BORCS5: variants seen among roughly 807,000 people sequenced by gnomAD.
BORCS5 encodes the protein BLOC-1-related complex subunit 5.
BORCS5 carries 17 observed loss-of-function variants against 22.1 expected under a neutral mutation model. The ratio of observed to expected loss-of-function variants is 0.77; its 90% CI spans 0.53 to 1.15. BORCS5 has a LOEUF of 1.15. Among genes scored for constraint, BORCS5 ranks in the 50% most tolerant of loss-of-function variants. BORCS5 has a pLI of 0.00. For synonymous variants in BORCS5, 117 were observed against 99.8 expected, an observed-to-expected ratio of 1.17 and a Z score of -1.03; for missense variants, 247 against 253.2, an observed-to-expected ratio of 0.98 and a Z score of 0.17.
intron 2 of BORCS5, among the ~76,000 whole-genome samples, chr12:12,419,275 A>G (rs1159738231): frequency 1.3e-5 from 2 of 152,140 alleles, no homozygotes; most frequent in Non-Finnish European, 2.9e-5. Context: ...GTTCCTACCT[A>G]TGAGTGAGAA....
chr12:12,381,968 A>G (rs1244372236), intron 2 of BORCS5, among the ~76,000 whole-genome samples: 1 of 151,346 alleles, frequency 6.6e-6, no homozygotes, highest in East Asian at 1.9e-4. Context: ...GTGTGGATAC[A>G]TTTAGAATTA....
At chr12:12,435,100 C>T (rs182491415) in intron 2 of BORCS5, among the ~76,000 whole-genome samples, 13 of 152,342 alleles carry the variant, frequency 8.5e-5, no homozygotes, top group African/African-American at 3.1e-4. Flanking sequence ...TGTTAGCTGA[C>T]AGTCTGTTTA....
chr12:12,423,555 G>GT lies in BORCS5; in HGVS notation c.203-12064dup, dbSNP rs200341686. Among the ~76,000 whole-genome samples, 497 of 121,526 alleles carry GT rather than the reference G, an allele frequency of 4.1e-3. 17 individuals are homozygous for GT. In the East Asian group the frequency reaches 0.085, roughly 21 times the overall value. The allele number at this position is 121,526 out of a possible 152,430, so 79.7% of individuals were successfully genotyped here. A position where few individuals can be genotyped will look rare whatever the true frequency, so the allele number is the denominator to read the frequency against. ...TTGGTTGACAGGTTTTTTGTTTTTT[G>GT]TTTTTTTTTCTTTTAGCAGTTTACC... On this transcript the variant is annotated intron_variant, in intron 2 of 3. Transcript: ENST00000314565.
At chr12:12,411,400 G>C (rs1418625739) in intron 2 of BORCS5, among the ~76,000 whole-genome samples, 1 of 152,118 alleles carries the variant, frequency 6.6e-6, no homozygotes, top group Admixed American at 6.6e-5. Context: ...TTGGAGAAAT[G>C]TCGGTTCAAG....
chr12:12,410,901 A>G (rs926364270), intron 2 of BORCS5, among the ~76,000 whole-genome samples: 2 of 144,476 alleles, frequency 1.4e-5, no homozygotes, highest in Non-Finnish European at 3.1e-5. Context: ...CTTTTATTTT[A>G]TTGAGCAGTG....
At chr12:12,414,955 G>A (rs2136094161) in intron 2 of BORCS5, among the ~76,000 whole-genome samples, 1 of 135,094 alleles carries the variant, frequency 7.4e-6, no homozygotes, top group South Asian at 2.3e-4. Context: ...ACGATGGGCG[G>A]CCGGGCAGAG....
intron 3 of BORCS5, among the ~76,000 whole-genome samples, chr12:12,462,049 C>T (rs999388662): frequency 2.0e-5 from 3 of 152,174 alleles, no homozygotes; most frequent in South Asian, 2.1e-4. Context: ...TTAATGTACA[C>T]GGTAAGCTGT....
intron 2 of BORCS5, among the ~76,000 whole-genome samples, chr12:12,420,762 A>C (rs78852351): frequency 8.5e-5 from 13 of 152,232 alleles, no homozygotes; most frequent in East Asian, 3.9e-4. Context: ...TTGAAGAGGT[A>C]CTTCACATCC....
At chr12:12,415,822 C>T (rs968126755) in intron 2 of BORCS5, among the ~76,000 whole-genome samples, 1 of 152,050 alleles carries the variant, frequency 6.6e-6, no homozygotes, top group African/African-American at 2.4e-5. Context: ...GCTTTGGAAT[C>T]AGGGTAATGC....
intron 2 of BORCS5, among the ~76,000 whole-genome samples, chr12:12,426,475 G>GAA (rs1200507108): frequency 6.6e-6 from 1 of 152,172 alleles, no homozygotes; most frequent in African/African-American, 2.4e-5. Flanking sequence ...ATGACCTTTG[G>GAA]AAATACTGTG....
intron 2 of BORCS5, among the ~76,000 whole-genome samples, chr12:12,417,996 A>G (rs932549251): frequency 3.0e-4 from 2 of 6,578 alleles, no homozygotes; most frequent in Non-Finnish European, 6.5e-4. Context: ...CCATTTATTT[A>G]TTTATTTATT....
At chr12:12,381,485 G>C (rs958061329) in intron 2 of BORCS5, among the ~76,000 whole-genome samples, 1 of 151,158 alleles carries the variant, frequency 6.6e-6, no homozygotes, top group African/African-American at 2.4e-5. Flanking sequence ...AATTATCTCA[G>C]CACCTTTAAA....
At chr12:12,390,187 A>G (rs898922716) in intron 2 of BORCS5, among the ~76,000 whole-genome samples, 1 of 152,076 alleles carries the variant, frequency 6.6e-6, no homozygotes, top group Non-Finnish European at 1.5e-5. Flanking sequence ...CAAATATTTG[A>G]GGGCTGCTAT....
intron 2 of BORCS5, among the ~76,000 whole-genome samples, chr12:12,390,508 C>T (rs982524063): frequency 1.3e-5 from 2 of 151,804 alleles, no homozygotes; most frequent in Non-Finnish European, 2.9e-5. Context: ...GTCAGAAAGC[C>T]GGGGGTGGTG....
At chr12:12,372,996 T>G (rs994838481) in intron 2 of BORCS5, among the ~76,000 whole-genome samples, 1 of 152,222 alleles carries the variant, frequency 6.6e-6, no homozygotes, top group African/African-American at 2.4e-5. Context: ...TGCTATGGAC[T>G]GAATGATTAT....
At chr12:12,460,982 CAGAT>C in intron 3 of BORCS5, among the ~76,000 whole-genome samples, 1 of 152,298 alleles carries the variant, frequency 6.6e-6, no homozygotes, top group East Asian at 1.9e-4. Flanking sequence ...GCACATTCTA[CAGAT>C]GCCTAATAAC....
intron 3 of BORCS5, among the ~76,000 whole-genome samples, chr12:12,462,139 C>T (rs113612570): frequency 6.6e-5 from 10 of 152,316 alleles, no homozygotes; most frequent in African/African-American, 2.4e-4. Context: ...TGATGCTACT[C>T]AATAACTGTC....
chr12:12,405,780 G>A (rs1023315611), intron 2 of BORCS5, among the ~76,000 whole-genome samples: 1 of 152,188 alleles, frequency 6.6e-6, no homozygotes, highest in African/African-American at 2.4e-5. Flanking sequence ...TACATTCAAG[G>A]TATATAGTGC....
intron 2 of BORCS5, among the ~76,000 whole-genome samples, chr12:12,401,011 G>A (rs898268990): frequency 9.2e-5 from 14 of 151,866 alleles, no homozygotes; most frequent in African/African-American, 2.7e-4. Flanking sequence ...TCACTGCTGC[G>A]TAGTATTCCA....
Sources: gnomAD v4.1 joint callset for allele counts (sites outside exome capture counted in the v4.1 genomes callset) on GRCh38, gnomAD v4.1.1 for gene constraint, MANE v1.5 for transcripts, NCBI Gene and HGNC (gene_info 2026-07-23, HGNC 2026-07-21) for gene names.